The following PHKG2 variants were observed in gnomAD, a reference collection of about 807,000 sequenced individuals.
PHKG2 encodes the protein phosphorylase b kinase gamma catalytic chain, liver/testis isoform.
Under a neutral mutation model 44.5 loss-of-function variants are expected in PHKG2, and 28 were observed. The ratio of observed to expected loss-of-function variants is 0.63; its 90% CI spans 0.47 to 0.86. The LOEUF is 0.86. Ranked by LOEUF, PHKG2 falls within the 40% of genes least tolerant of loss-of-function variation. PHKG2 has a pLI of 0.00. For missense variants in PHKG2, 498 were observed against 547.5 expected (o/e 0.91, Z 0.90); for synonymous variants, 220 against 211.2 (o/e 1.04, Z -0.36).
At chr16:30,754,444 G>GT (rs2151308748) in intron 6 of PHKG2, among the ~76,000 whole-genome samples, 1 of 152,230 alleles carries the variant, frequency 6.6e-6, no homozygotes, top group Admixed American at 6.5e-5. Context: ...GGGATTACAG[G>GT]TGTGAGCACT....
intron 2 of PHKG2, 61 bp from the exon 3 acceptor site, chr16:30,751,045 C>T: frequency 6.4e-7 from 1 of 1,562,330 alleles, no homozygotes; most frequent in Non-Finnish European, 8.8e-7. Flanking sequence ...GCTGAGGCCC[C>T]AGCCTGTGCG....
chr16:30,751,334 G>A (rs1567260861), intron 3 of PHKG2, 53 bp downstream of exon 3: 3 of 1,577,176 alleles, frequency 1.9e-6, no homozygotes, highest in Non-Finnish European at 1.7e-6. Flanking sequence ...CCTCCTGCTG[G>A]CCCTGCCCAT....
At chr16:30,753,923 G>A (rs1424660809) in intron 6 of PHKG2, among the ~76,000 whole-genome samples, 2 of 152,216 alleles carry the variant, frequency 1.3e-5, no homozygotes, top group African/African-American at 4.8e-5. Flanking sequence ...CTGATGTGAT[G>A]TGTCCAGACT....
In PHKG2 at chr16:30,751,234, G is replaced by A. The variant is rs538127151; in HGVS notation, c.224G>A (p.Arg75Gln). 92 of 1,612,974 alleles carry A rather than the reference G, an allele frequency of 5.7e-5. No homozygotes were observed. The highest frequency in any genetic ancestry group is 3.9e-4 in the African/African-American group (29 of 75,036). The change falls in exon 3 of 10, where the codon CGG (arginine) becomes CAG (glutamine). Residue 75 changes from arginine to glutamine, a missense_variant. By Grantham distance (43) the Arg-to-Gln change is conservative. Coordinates refer to ENST00000563588, the MANE Select transcript of PHKG2 (RefSeq NM_000294.3). ...EQLEEVREAT[R>Q]RETHILRQVA... is the part of the protein sequence containing the mutation. Reference sequence around the variant, plus strand: ...CTGGAGGAGGTGCGGGAAGCCACACGGCGAGAGACACACATCCTTCGCCAG... The same window carrying A: ...CTGGAGGAGGTGCGGGAAGCCACACAGCGAGAGACACACATCCTTCGCCAG...
At position 30,758,612 on chromosome 16, in the gene PHKG2, G is replaced by A; in HGVS notation, c.*1515G>A. 4.1e-6 allele frequency: 1 copy of A among 245,350 alleles called. No homozygotes were observed. The highest frequency in any genetic ancestry group is 2.3e-5 in the African/African-American group (1 of 44,050). The allele number at this position is 245,350 out of a possible 1,614,324, so 15.2% of individuals were successfully genotyped here. ...GCTCTGTTGCCCAGGCTGGAGTGCAGTGGCCAGATCTTGGCTCACTGCAGT... is the reference window on the plus strand; with the variant it reads ...GCTCTGTTGCCCAGGCTGGAGTGCAATGGCCAGATCTTGGCTCACTGCAGT... On this transcript the variant is annotated 3_prime_UTR_variant, in exon 10 of 10. Transcript: ENST00000563588.
Position 30,757,073 on chromosome 16 carries a change from T to C in PHKG2, c.1197T>C (p.Asp399=), listed in dbSNP as rs904996051. The C allele has an allele frequency of 6.2e-7, 1 of 1,613,360 alleles. No individual in the cohort carries two copies. The highest frequency in any genetic ancestry group is 8.5e-7 in the Non-Finnish European group (1 of 1,180,024). The part of the protein sequence containing the change: ...EEGDSAAITE[D]EAVLVLG ...GAGACTCTGCTGCTATAACTGAGGATGAGGCCGTGCTTGTGCTGGGCTAGG... is the reference window on the plus strand; with the variant it reads ...GAGACTCTGCTGCTATAACTGAGGACGAGGCCGTGCTTGTGCTGGGCTAGG... Residue 399 remains aspartate, a synonymous_variant, in exon 10 of 10, where the codon GAT becomes GAC. Transcript: ENST00000563588.
chr16:30,755,190 TG>T (rs1389825365), intron 6 of PHKG2: 4 of 272,070 alleles, frequency 1.5e-5, no homozygotes, highest in South Asian at 1.1e-4. Flanking sequence ...TACAATGAGC[TG>T]TGATAGTGCC....
At position 30,759,609 on chromosome 16, in the gene PHKG2, G is replaced by T; in HGVS notation, c.*2512G>T. ...TGTGAGAGAGACTGGGTGAGACCTT[G>T]TCTGGGGATGGGTAAAGTTTCCAGA... is the stretch of plus-strand genomic sequence containing the variant. On this transcript the variant is annotated 3_prime_UTR_variant, in exon 10 of 10. Coordinates refer to ENST00000563588, the MANE Select transcript of PHKG2 (RefSeq NM_000294.3). 1 of 1,614,120 alleles carries T rather than the reference G, an allele frequency of 6.2e-7. No individual in the cohort carries two copies. Among genetic ancestry groups the T allele is most frequent in the African/African-American group, 1.3e-5 (1 of 75,052 alleles).
At position 30,760,133 on chromosome 16, in the gene PHKG2, G is replaced by A. The variant is rs761514239; in HGVS notation, c.*3036G>A. ...TTAATTTCTAGATAAGGAAGCAGTG[G>A]ATTGGAAAGCTGATGGCTTGTGTAT... On this transcript the variant is annotated 3_prime_UTR_variant, in exon 10 of 10. Coordinates refer to ENST00000563588, the MANE Select transcript of PHKG2 (RefSeq NM_000294.3). The A allele has an allele frequency of 1.3e-6, 2 of 1,559,206 alleles. No individual in the cohort carries two copies. The highest frequency in any genetic ancestry group is 1.7e-6 in the Non-Finnish European group (2 of 1,158,844).
chr16:30,755,558 C>T (rs937268654), intron 6 of PHKG2, among the ~76,000 whole-genome samples: 4 of 152,054 alleles, frequency 2.6e-5, no homozygotes, highest in African/African-American at 9.7e-5. Flanking sequence ...TGCCTGTAAT[C>T]CCAGCTACTC....
At chr16:30,749,043 G>GCTGC (rs2053296215) in intron 2 of PHKG2, 128 bp downstream of exon 2, 5 of 108,708 alleles carry the variant, frequency 4.6e-5, no homozygotes, top group East Asian at 8.8e-4. Context: ...GGTGGTGGTG[G>GCTGC]TGGTGGTGGT....
chr16:30,760,532 C>T lies in PHKG2; in HGVS notation c.*3435C>T, dbSNP rs1161190739. ...ACCCACCACATGCTTTGGAGTCAGC[C>T]ATTCCTCATGTTTTCCCAACCTGAC... is the stretch of plus-strand genomic sequence containing the variant. On this transcript the variant is annotated 3_prime_UTR_variant, in exon 10 of 10. Coordinates refer to ENST00000563588, the MANE Select transcript of PHKG2 (RefSeq NM_000294.3). 6.2e-7 allele frequency: 1 copy of T among 1,605,064 alleles called. No individual in the cohort carries two copies. The highest frequency in any genetic ancestry group is 8.5e-7 in the Non-Finnish European group (1 of 1,175,442).
Position 30,757,101 on chromosome 16 carries a change from C to G in PHKG2, c.*4C>G. On this transcript the variant is annotated 3_prime_UTR_variant, in exon 10 of 10. Coordinates refer to ENST00000563588, the MANE Select transcript of PHKG2 (RefSeq NM_000294.3). Reference sequence around the variant, plus strand: ...GGCCGTGCTTGTGCTGGGCTAGGACCTCAACCCCAGGGATTCCCAGGAAGC... The same window carrying G: ...GGCCGTGCTTGTGCTGGGCTAGGACGTCAACCCCAGGGATTCCCAGGAAGC... 1 of 1,613,136 alleles carries G rather than the reference C, an allele frequency of 6.2e-7. No homozygotes were observed. The highest frequency in any genetic ancestry group is 8.5e-7 in the Non-Finnish European group (1 of 1,180,020).
chr16:30,749,187 G>C (rs2053308054), intron 2 of PHKG2, among the ~76,000 whole-genome samples: 3 of 129,298 alleles, frequency 2.3e-5, no homozygotes, highest in African/African-American at 8.7e-5. Context: ...GGTGGTGCTG[G>C]TGGTGGTGCT....
chr16:30,751,496 T>C (rs1329951599), intron 3 of PHKG2, 53 bp from the exon 4 acceptor site: 1 of 1,525,946 alleles, frequency 6.6e-7, no homozygotes, highest in African/African-American at 1.4e-5. Flanking sequence ...CCCGTTAATG[T>C]GCATCCACTC....
At chr16:30,750,612 T>G (rs568865602) in intron 2 of PHKG2, among the ~76,000 whole-genome samples, 27 of 152,284 alleles carry the variant, frequency 1.8e-4, no homozygotes, top group Admixed American at 5.2e-4. Flanking sequence ...AGGGGACCAC[T>G]TAGGTTAATT....
rs1335698753 is a variant in PHKG2, at chr16:30,759,571, T to C, written c.*2474T>C. ...GCCCACTGGGGTCTTCACAAGAAGA[T>C]AAGGGTGATGAATGTGAGAGAGACT... On this transcript the variant is annotated 3_prime_UTR_variant, in exon 10 of 10. Transcript: ENST00000563588. The C allele has an allele frequency of 6.2e-7, 1 of 1,614,038 alleles. No homozygotes were observed. The highest frequency in any genetic ancestry group is 2.2e-5 in the East Asian group (1 of 44,882).
Position 30,756,608 on chromosome 16 carries a change from G to A in PHKG2, c.820G>A (p.Val274Met). 1 of 1,613,902 alleles carries A rather than the reference G, an allele frequency of 6.2e-7. No individual in the cohort carries two copies. The highest frequency in any genetic ancestry group is 8.5e-7 in the Non-Finnish European group (1 of 1,180,016). ...VKDLISRLLQ[V>M]DPEARLTAEQ... ...CTCCTAGATCTCCAGGCTGCTGCAG[G>A]TGGATCCTGAGGCACGCCTGACAGC... The change falls in exon 9 of 10, where the codon GTG becomes ATG. Residue 274 changes from valine (V) to methionine (M), a missense_variant. By Grantham distance (21) the Val-to-Met change is conservative (BLOSUM62 1). Transcript: ENST00000563588.
In PHKG2 at chr16:30,760,363, G is replaced by GA. The variant is rs769895659; in HGVS notation, c.*3270dup. 6.2e-6 allele frequency: 10 copies of GA among 1,614,218 alleles called. No homozygotes were observed. In the Admixed American group the frequency reaches 1.5e-4, roughly 24 times the overall value. On this transcript the variant is annotated 3_prime_UTR_variant, in exon 10 of 10. Transcript: ENST00000563588. ...CCAGTGAGAAGCCCTGCTGGCGGCA[G>GA]AAAATGAGCGCGTGGCAGAAGAGGT...
Sources: allele counts gnomAD v4.1 joint callset (sites outside exome capture counted in the v4.1 genomes callset), GRCh38; gene constraint gnomAD v4.1.1; transcripts MANE v1.5; gene names NCBI Gene and HGNC (gene_info 2026-07-23, HGNC 2026-07-21).